Variants in FIG4 observed in about 807,000 individuals in gnomAD.
FIG4 encodes polyphosphoinositide phosphatase.
Under a neutral mutation model 118.6 loss-of-function variants are expected in FIG4, and 112 were observed. The ratio of observed to expected loss-of-function variants is 0.94; its 90% CI spans 0.81 to 1.11. FIG4 has a LOEUF of 1.11. FIG4 is among the 50% of genes least tolerant of loss of function. The probability of loss-of-function intolerance (pLI) is 0.00; values close to 1 mark genes in which losing one functional copy is unlikely to be tolerated. For synonymous variants in FIG4, 369 were observed against 381.2 expected, an observed-to-expected ratio of 0.97 and a Z score of 0.37; for missense variants, 969 against 1,111.7, an observed-to-expected ratio of 0.87 and a Z score of 1.83.
At chr6:109,807,743 C>T (rs1205853281) in intron 22 of FIG4, among the ~76,000 whole-genome samples, 2 of 151,998 alleles carry the variant, frequency 1.3e-5, no homozygotes. Flanking sequence ...GGTTTTAGGT[C>T]TTATGTTTAA....
chr6:109,785,795 C>A, intron 17 of FIG4: 1 of 443,598 alleles, frequency 2.3e-6, no homozygotes, highest in Non-Finnish European at 4.8e-6. Context: ...ATTTTTGGTT[C>A]TTATTAAGTT....
intron 13 of FIG4, among the ~76,000 whole-genome samples, chr6:109,764,448 A>G (rs1777219085): frequency 2.0e-5 from 3 of 152,010 alleles, no homozygotes; most frequent in Non-Finnish European, 4.4e-5. Context: ...AGAAAGAAAA[A>G]AAAAAAAAAG....
chr6:109,735,388 T>C, intron 6 of FIG4, 90 bp downstream of exon 6: 1 of 1,265,062 alleles, frequency 7.9e-7, no homozygotes, highest in Non-Finnish European at 1.2e-6. Flanking sequence ...CTCATATTTG[T>C]CCATCCCTCT....
intron 10 of FIG4, among the ~76,000 whole-genome samples, chr6:109,753,210 G>A (rs934610654): frequency 4.6e-5 from 7 of 152,088 alleles, no homozygotes; most frequent in South Asian, 2.1e-4. Flanking sequence ...CTTAGCTTCC[G>A]AGATCAGACG....
At position 109,802,311 on chromosome 6, in the gene FIG4, A is replaced by G. The variant is rs550082675; in HGVS notation, c.2546+5460A>G. Among the ~76,000 whole-genome samples the G allele has an allele frequency of 2.3e-3, 356 of 151,774 alleles. 1 individual carries two copies. The highest frequency in any genetic ancestry group is 4.1e-3 in the Non-Finnish European group (280 of 67,942). ...GTCCTTTCTGTATCCCCTCCAGGGT[A>G]TTTATAGCTCTAAAAAAATACAGTA... On this transcript the variant is annotated intron_variant, in intron 22 of 22. Transcript: ENST00000230124.
At chr6:109,822,108 G>A (rs1159783795) in intron 22 of FIG4, among the ~76,000 whole-genome samples, 2 of 152,184 alleles carry the variant, frequency 1.3e-5, no homozygotes, top group Non-Finnish European at 2.9e-5. Context: ...CTTTTGAAAT[G>A]AGCAGGACTA....
intron 22 of FIG4, among the ~76,000 whole-genome samples, chr6:109,821,881 A>G (rs930438786): frequency 1.3e-5 from 2 of 152,210 alleles, no homozygotes; most frequent in African/African-American, 4.8e-5. Flanking sequence ...TGTAAGAAAA[A>G]GAAAAGTGAG....
intron 1 of FIG4, among the ~76,000 whole-genome samples, chr6:109,700,492 C>G (rs901708936): frequency 6.6e-6 from 1 of 152,040 alleles, no homozygotes; most frequent in African/African-American, 2.4e-5. Context: ...CCCTTTTTCC[C>G]CCTGTTAGAA....
chr6:109,721,067 C>G (rs753360341), intron 3 of FIG4, among the ~76,000 whole-genome samples: 2 of 152,136 alleles, frequency 1.3e-5, no homozygotes, highest in Middle Eastern at 3.2e-3. Flanking sequence ...TGTCGTCTGT[C>G]AGACGACACT....
chr6:109,759,317 G>T (rs1328374570), intron 10 of FIG4, among the ~76,000 whole-genome samples: 1 of 151,994 alleles, frequency 6.6e-6, no homozygotes, highest in African/African-American at 2.4e-5. Flanking sequence ...ACCTAATGTA[G>T]ATATTGGGCT....
intron 21 of FIG4, among the ~76,000 whole-genome samples, 174 bp downstream of exon 21, chr6:109,792,838 A>G (rs1778177254): frequency 6.7e-6 from 1 of 148,766 alleles, no homozygotes; most frequent in South Asian, 2.1e-4. Flanking sequence ...TTGCAGGTGC[A>G]CGCCACTATG....
At chr6:109,694,401 A>C (rs1180137849) in intron 1 of FIG4, among the ~76,000 whole-genome samples, 1 of 152,200 alleles carries the variant, frequency 6.6e-6, no homozygotes, top group African/African-American at 2.4e-5. Flanking sequence ...AGAATGAAAT[A>C]AGGCCCTTCT....
chr6:109,806,503 G>T (rs997848407), intron 22 of FIG4, among the ~76,000 whole-genome samples: 1 of 152,004 alleles, frequency 6.6e-6, no homozygotes, highest in African/African-American at 2.4e-5. Flanking sequence ...GTGTGCATGT[G>T]CTTGTGTAGT....
At position 109,786,463 on chromosome 6, in the gene FIG4, AT is replaced by A; in HGVS notation, c.2096+16del. 1.9e-6 allele frequency: 3 copies of A among 1,613,338 alleles called. No individual in the cohort carries two copies. The highest frequency in any genetic ancestry group is 2.5e-6 in the Non-Finnish European group (3 of 1,179,356). On this transcript the variant is annotated intron_variant, in intron 18 of 22. Transcript: ENST00000230124. ...AAGCTCAGCACGGTATGTTGTGTGTATTCTGATACCATAAGTATTTGAGAAC... is the reference window on the plus strand; with the variant it reads ...AAGCTCAGCACGGTATGTTGTGTGTATCTGATACCATAAGTATTTGAGAAC...
chr6:109,713,221 G>A (rs1213176472), intron 1 of FIG4, among the ~76,000 whole-genome samples: 1 of 152,228 alleles, frequency 6.6e-6, no homozygotes, highest in Non-Finnish European at 1.5e-5. Flanking sequence ...TGTGCCAGTG[G>A]CAGCGAAAGC....
In FIG4 at chr6:109,696,359, G is replaced by A. The variant is rs138058999; in HGVS notation, c.66+4858G>A. On this transcript the variant is annotated intron_variant, in intron 1 of 22. Transcript: ENST00000230124. ...GAAATCCATAGCTTTTTTATAATAC[G>A]CATTTTCCATGAACTTTATCAAGTC... is the stretch of plus-strand genomic sequence containing the variant. 2.8e-4 allele frequency among the ~76,000 whole-genome samples: 42 copies of A among 152,112 alleles called. No individual in the cohort carries two copies. In the East Asian group the frequency reaches 6.2e-3, roughly 22 times the overall value.
At chr6:109,760,537 C>T (rs1777071423) in intron 11 of FIG4, among the ~76,000 whole-genome samples, 154 bp downstream of exon 11, 1 of 152,098 alleles carries the variant, frequency 6.6e-6, no homozygotes, top group South Asian at 2.1e-4. Context: ...AGAAACTAAC[C>T]AAACATTTTT....
At chr6:109,778,719 C>T (rs947781865) in intron 16 of FIG4, among the ~76,000 whole-genome samples, 10 of 152,070 alleles carry the variant, frequency 6.6e-5, no homozygotes, top group Non-Finnish European at 1.0e-4. Context: ...CTGCCTCGGC[C>T]TCCCGAGTAG....
intron 22 of FIG4, among the ~76,000 whole-genome samples, chr6:109,822,965 T>G (rs1039758225): frequency 2.6e-5 from 4 of 151,874 alleles, no homozygotes; most frequent in Admixed American, 2.6e-4. Context: ...CATTATTTTT[T>G]AATCTAGTGA....
Sources: gnomAD v4.1 joint callset for allele counts (sites outside exome capture counted in the v4.1 genomes callset) on GRCh38, gnomAD v4.1.1 for gene constraint, MANE v1.5 for transcripts, NCBI Gene and HGNC (gene_info 2026-07-23, HGNC 2026-07-21) for gene names.